Variants in RBL1 observed in about 807,000 individuals in gnomAD.
RBL1 encodes the protein RB transcriptional corepressor like 1, also known as retinoblastoma-like protein 1.
In RBL1, 82 loss-of-function variants were observed where a neutral mutation model predicts 123.0. The ratio of observed to expected loss-of-function variants is 0.67; its 90% CI spans 0.56 to 0.80. The LOEUF (loss-of-function observed/expected upper bound fraction) is 0.80. RBL1 is among the 30% of genes least tolerant of loss of function. The pLI is 0.00. For synonymous variants in RBL1, 405 were observed against 441.3 expected, an observed-to-expected ratio of 0.92 and a Z score of 1.03; for missense variants, 1,171 against 1,299.6, an observed-to-expected ratio of 0.90 and a Z score of 1.52.
chr20:37,094,595 A>G (rs2065698810), intron 1 of RBL1, among the ~76,000 whole-genome samples: 1 of 152,136 alleles, frequency 6.6e-6, no homozygotes, highest in Non-Finnish European at 1.5e-5. Flanking sequence ...TACATGAAAT[A>G]CACTCCATCA....
intron 7 of RBL1, among the ~76,000 whole-genome samples, chr20:37,063,156 C>CCTCCTT (rs1299448406): frequency 2.0e-4 from 31 of 152,186 alleles, no homozygotes; most frequent in African/African-American, 6.5e-4. Flanking sequence ...TGGCACACTG[C>CCTCCTT]AGCCTCTACC....
intron 2 of RBL1, among the ~76,000 whole-genome samples, chr20:37,071,417 A>C (rs1021067822): frequency 1.4e-4 from 21 of 152,070 alleles, no homozygotes; most frequent in Middle Eastern, 3.2e-3. Flanking sequence ...ACACTTTGGG[A>C]GGGTGAGGCT....
At chr20:37,043,512 A>C (rs2064768109) in intron 13 of RBL1, among the ~76,000 whole-genome samples, 1 of 151,764 alleles carries the variant, frequency 6.6e-6, no homozygotes, top group Non-Finnish European at 1.5e-5. Flanking sequence ...AACAGAAAGA[A>C]AAAAAAATTA....
chr20:37,006,326 G>A (rs1488560957), intron 20 of RBL1, among the ~76,000 whole-genome samples: 2 of 150,730 alleles, frequency 1.3e-5, no homozygotes, highest in East Asian at 2.0e-4. Context: ...TCAGCCTCCC[G>A]AGTAGCTGGG....
At chr20:37,030,517 G>A (rs1446706958) in intron 16 of RBL1, among the ~76,000 whole-genome samples, 1 of 151,208 alleles carries the variant, frequency 6.6e-6, no homozygotes, top group African/African-American at 2.4e-5. Flanking sequence ...CTCACGAGTT[G>A]AGACCAGCCT....
chr20:37,000,593 T>TG (rs1384699637), intron 21 of RBL1, among the ~76,000 whole-genome samples: 9 of 100,658 alleles, frequency 8.9e-5, no homozygotes, highest in East Asian at 6.6e-4. Context: ...AGGAAGGATG[T>TG]GGGGGGGTCA....
chr20:37,013,191 T>C (rs1449464486), intron 19 of RBL1, among the ~76,000 whole-genome samples: 2 of 152,210 alleles, frequency 1.3e-5, no homozygotes, highest in Non-Finnish European at 1.5e-5. Flanking sequence ...ATGGTTGCCG[T>C]GTCTGTGTAG....
At chr20:37,025,192 C>G (rs575578246) in intron 16 of RBL1, among the ~76,000 whole-genome samples, 22 of 151,690 alleles carry the variant, frequency 1.5e-4, no homozygotes, top group Non-Finnish European at 3.1e-4. Context: ...AACATTTACA[C>G]CCACCTTCCT....
At chr20:37,022,043 G>T (rs189942126) in intron 17 of RBL1, 1 of 152,206 alleles carries the variant, frequency 6.6e-6, no homozygotes, top group East Asian at 1.9e-4. Flanking sequence ...TTTTTACAGA[G>T]ATTTCAAAGA....
At chr20:37,038,025 C>G (rs2064653229) in intron 14 of RBL1, among the ~76,000 whole-genome samples, 1 of 123,530 alleles carries the variant, frequency 8.1e-6, no homozygotes, top group Non-Finnish European at 1.6e-5. Context: ...TGCAGTCTTG[C>G]TCTGTCCCCA....
At chr20:37,067,337 G>A (rs370735278) in intron 3 of RBL1, 40 bp from the exon 4 acceptor site, 87 of 1,412,562 alleles carry the variant, frequency 6.2e-5, no homozygotes, top group Non-Finnish European at 7.2e-5. Context: ...TGACTAGCTC[G>A]CTAAATATCA....
rs147834827 is a variant in RBL1 at position 37,043,162 on chromosome 20, G to GCACACACACACA, written c.1770+912_1770+923dup. Among the ~76,000 whole-genome samples, 640 of 147,908 alleles carry GCACACACACACA rather than the reference G, an allele frequency of 4.3e-3. 5 individuals carry two copies. Among genetic ancestry groups the GCACACACACACA allele is most frequent in the South Asian group, 0.043 (201 of 4,650 alleles). On this transcript the variant is annotated intron_variant, in intron 13 of 21. Transcript: ENST00000373664. ...TGTCTCTACACACACATGCGCGCGT[G>GCACACACACACA]CACACACACACACACACACACACAA...
chr20:37,000,283 C>A (rs552193612), intron 21 of RBL1, among the ~76,000 whole-genome samples: 1 of 149,212 alleles, frequency 6.7e-6, no homozygotes, highest in African/African-American at 2.5e-5. Context: ...AAGTGAGGAG[C>A]GTCTTCGCCT....
In RBL1 at chr20:36,998,470, C is replaced by T. The variant is rs779470283; in HGVS notation, c.*289G>A. The T allele has an allele frequency of 2.7e-4, 63 of 233,134 alleles. No individual in the cohort carries two copies. Among genetic ancestry groups the T allele is most frequent in the Non-Finnish European group, 4.4e-4 (52 of 119,440 alleles). 14.4% of individuals were successfully genotyped at this position (233,134 alleles called of 1,614,324 possible). A position where few individuals can be genotyped will look rare whatever the true frequency, so the allele number is the denominator to read the frequency against. On this transcript the variant is annotated 3_prime_UTR_variant, in exon 22 of 22. Coordinates refer to ENST00000373664, the MANE Select transcript of RBL1 (RefSeq NM_002895.5). Reference sequence around the variant, plus strand: ...AACTCCTGACCTCCGGTGATCTGCCCGCCTTGGCCTCCCAAAGTCCTGGGA... The same window carrying T: ...AACTCCTGACCTCCGGTGATCTGCCTGCCTTGGCCTCCCAAAGTCCTGGGA...
At chr20:37,021,283 T>C (rs935041893) in intron 17 of RBL1, among the ~76,000 whole-genome samples, 1 of 152,164 alleles carries the variant, frequency 6.6e-6, no homozygotes, top group Non-Finnish European at 1.5e-5. Flanking sequence ...GGGATCTCTG[T>C]GATCATAAAC....
intron 19 of RBL1, among the ~76,000 whole-genome samples, chr20:37,010,626 G>A (rs1336376584): frequency 6.6e-6 from 1 of 152,048 alleles, no homozygotes; most frequent in African/African-American, 2.4e-5. Context: ...GTATCACAAT[G>A]GCAAGTATTT....
chr20:37,008,711 A>G (rs971643585), intron 19 of RBL1, among the ~76,000 whole-genome samples: 1 of 152,206 alleles, frequency 6.6e-6, no homozygotes, highest in African/African-American at 2.4e-5. Flanking sequence ...GGGTAGAAGC[A>G]ATGCCTTCAC....
At chr20:37,078,641 G>A (rs984818492) in intron 2 of RBL1, among the ~76,000 whole-genome samples, 3 of 152,096 alleles carry the variant, frequency 2.0e-5, no homozygotes, top group Admixed American at 6.5e-5. Context: ...AGGACATTAC[G>A]ATAAGTGAAA....
intron 11 of RBL1, among the ~76,000 whole-genome samples, chr20:37,051,639 C>CA (rs879818348): frequency 3.9e-4 from 58 of 146,888 alleles, no homozygotes; most frequent in Admixed American, 1.4e-3. Flanking sequence ...AACATCTATA[C>CA]AAAAAAAAAT....
Sources: gnomAD v4.1 joint callset for allele counts (sites outside exome capture counted in the v4.1 genomes callset) on GRCh38, gnomAD v4.1.1 for gene constraint, MANE v1.5 for transcripts, NCBI Gene and HGNC (gene_info 2026-07-23, HGNC 2026-07-21) for gene names.